PCDHAC1: variants seen among roughly 807,000 people sequenced by gnomAD.
PCDHAC1 encodes the protein protocadherin alpha-C1.
In PCDHAC1, 42 loss-of-function variants were observed where a neutral mutation model predicts 60.0. That is an observed-to-expected ratio of 0.70 (90% CI 0.55 to 0.90). The LOEUF (loss-of-function observed/expected upper bound fraction) is 0.90, where lower values mean the gene tolerates loss of function less well. PCDHAC1 is among the 40% of genes least tolerant of loss of function. The pLI is 0.00. For missense variants in PCDHAC1, 1,160 were observed against 1,222.3 expected, an observed-to-expected ratio of 0.95 and a Z score of 0.76; for synonymous variants, 468 against 499.3, an observed-to-expected ratio of 0.94 and a Z score of 0.84.
intron 3 of PCDHAC1, among the ~76,000 whole-genome samples, chr5:140,995,324 G>C (rs1290299693): frequency 1.3e-5 from 2 of 152,190 alleles, no homozygotes; most frequent in Non-Finnish European, 2.9e-5. Context: ...GAACTAACAG[G>C]TGAGTAGTGT....
intron 1 of PCDHAC1, among the ~76,000 whole-genome samples, chr5:140,942,962 A>G (rs2153660638): frequency 6.6e-6 from 1 of 152,216 alleles, no homozygotes; most frequent in South Asian, 2.1e-4. Flanking sequence ...CTGTTATCAG[A>G]ATTAAATTTT....
chr5:141,003,856 ATG>A (rs1554259354), intron 3 of PCDHAC1, among the ~76,000 whole-genome samples: 1 of 152,144 alleles, frequency 6.6e-6, no homozygotes, highest in Non-Finnish European at 1.5e-5. Flanking sequence ...CCAGATTTAT[ATG>A]TGTCTGAAAT....
Position 141,002,911 on chromosome 5 carries a change from G to C in PCDHAC1, c.2582-6716G>C, listed in dbSNP as rs565172510. Among the ~76,000 whole-genome samples the C allele has an allele frequency of 3.3e-5, 5 of 152,330 alleles. No homozygotes were observed. The South Asian group carries it at 1.0e-3, about 32-fold the overall frequency. On this transcript the variant is annotated intron_variant, in intron 3 of 3. Transcript: ENST00000253807. ...ACAAAGCAAGATGAAGAGAAGATCA[G>C]AAAAGTGAACACCCTCCAACACCCT...
At chr5:140,949,117 T>C (rs1295254726) in intron 1 of PCDHAC1, among the ~76,000 whole-genome samples, 2 of 151,762 alleles carry the variant, frequency 1.3e-5, no homozygotes, top group Admixed American at 6.6e-5. Context: ...CAAATATTTT[T>C]GGTTTTCCTA....
chr5:140,957,513 T>C (rs76093065), intron 1 of PCDHAC1, among the ~76,000 whole-genome samples: 3,563 of 152,232 alleles, frequency 0.023, 49 homozygotes, highest in Middle Eastern at 0.034. Flanking sequence ...TTATCCTTGG[T>C]TTCAGACATT....
chr5:140,978,188 C>A (rs1480380395), intron 1 of PCDHAC1, among the ~76,000 whole-genome samples: 2 of 152,176 alleles, frequency 1.3e-5, no homozygotes, highest in Non-Finnish European at 2.9e-5. Context: ...GGCAACAGAT[C>A]TTTTCAATAC....
intron 1 of PCDHAC1, among the ~76,000 whole-genome samples, chr5:140,954,014 A>G (rs782347890): frequency 1.3e-5 from 2 of 152,038 alleles, no homozygotes; most frequent in African/African-American, 4.8e-5. Context: ...CAGCTCCCAC[A>G]CATAGTGGGA....
intron 1 of PCDHAC1, among the ~76,000 whole-genome samples, chr5:140,972,686 AT>A (rs2096549556): frequency 8.3e-6 from 1 of 120,944 alleles, no homozygotes; most frequent in African/African-American, 3.2e-5. Context: ...TTTTTTTGAG[AT>A]GGAGTCTCAC....
chr5:140,994,190 C>G (rs1377695035), intron 3 of PCDHAC1, among the ~76,000 whole-genome samples: 1 of 152,136 alleles, frequency 6.6e-6, no homozygotes, highest in Non-Finnish European at 1.5e-5. Context: ...ACCACCAGGG[C>G]CTGTTGGTCC....
At chr5:140,951,543 CG>C (rs1201907714) in intron 1 of PCDHAC1, among the ~76,000 whole-genome samples, 2 of 151,550 alleles carry the variant, frequency 1.3e-5, no homozygotes, top group Admixed American at 1.3e-4. Flanking sequence ...GAGCAAGGGA[CG>C]GGGGGAAGTG....
chr5:140,994,233 T>A (rs2097606681), intron 3 of PCDHAC1, among the ~76,000 whole-genome samples: 1 of 152,138 alleles, frequency 6.6e-6, no homozygotes, highest in Admixed American at 6.5e-5. Context: ...TATGTTATAA[T>A]CAATTCAAAC....
intron 3 of PCDHAC1, among the ~76,000 whole-genome samples, chr5:141,001,711 A>G (rs1167965864): frequency 1.3e-5 from 2 of 152,222 alleles, no homozygotes; most frequent in South Asian, 2.1e-4. Context: ...GGGGGCGGGG[A>G]AGGAGCTTGA....
rs1554206642 is a variant in PCDHAC1, at chr5:140,929,061, G to C, written c.2169G>C (p.Glu723Asp). The C allele has an allele frequency of 3.1e-6, 5 of 1,614,196 alleles. No individual in the cohort carries two copies. In the South Asian group the frequency reaches 5.5e-5, roughly 18 times the overall value. Residue 723 changes from glutamate to aspartate, a missense_variant, in exon 1 of 4, where the codon GAG (glutamate) becomes GAC (aspartate). Transcript: ENST00000253807. ...CCAQSCCRST[E>D]DLRYGSKMVS... is the part of the protein sequence containing the mutation. Reference sequence around the variant, plus strand: ...CTCAGAGCTGCTGTCGCTCTACAGAGGATCTGAGGTATGGAAGTAAGATGG... The same window carrying C: ...CTCAGAGCTGCTGTCGCTCTACAGACGATCTGAGGTATGGAAGTAAGATGG...
intron 3 of PCDHAC1, 64 bp downstream of exon 3, chr5:140,982,627 T>A: frequency 6.3e-7 from 1 of 1,581,770 alleles, no homozygotes; most frequent in Non-Finnish European, 8.6e-7. Flanking sequence ...GACCTACTTT[T>A]GTAAGATCAG....
chr5:141,009,407 G>T (rs990895210), intron 3 of PCDHAC1, among the ~76,000 whole-genome samples: 2 of 152,184 alleles, frequency 1.3e-5, no homozygotes, highest in Admixed American at 6.5e-5. Flanking sequence ...TGCAGTGACT[G>T]CATTTCAGCC....
At chr5:140,966,997 G>A in intron 1 of PCDHAC1, 3 of 1,604,812 alleles carry the variant, frequency 1.9e-6, no homozygotes, top group Non-Finnish European at 2.5e-6. Flanking sequence ...CGGGTTGCTT[G>A]CGCATCAACC....
At chr5:140,961,561 T>C (rs1554225472) in intron 1 of PCDHAC1, among the ~76,000 whole-genome samples, 1 of 152,170 alleles carries the variant, frequency 6.6e-6, no homozygotes, top group African/African-American at 2.4e-5. Flanking sequence ...TTTTTTTAAA[T>C]TTTGTTTTGA....
At chr5:140,992,017 C>CTGTGTGTGTGTGTG (rs10602499) in intron 3 of PCDHAC1, among the ~76,000 whole-genome samples, 1 of 145,628 alleles carries the variant, frequency 6.9e-6, no homozygotes, top group African/African-American at 2.5e-5. Flanking sequence ...AGAGGTGGCT[C>CTGTGTGTGTGTGTG]TGTGTGTGTG....
intron 3 of PCDHAC1, among the ~76,000 whole-genome samples, chr5:141,006,916 A>G (rs111263219): frequency 0.011 from 1,648 of 152,304 alleles, 31 homozygotes; most frequent in African/African-American, 0.038. Context: ...TGGGATGCCC[A>G]TGAGATTTCC....
Sources: allele counts gnomAD v4.1 joint callset (sites outside exome capture counted in the v4.1 genomes callset), GRCh38; gene constraint gnomAD v4.1.1; transcripts MANE v1.5; gene names NCBI Gene and HGNC (gene_info 2026-07-23, HGNC 2026-07-21).